Variants in EHBP1 observed in about 807,000 individuals in gnomAD.
EHBP1 encodes the protein EH domain binding protein 1, also known as EH domain-binding protein 1.
A neutral mutation model predicts 144.0 loss-of-function variants in EHBP1; 55 were observed. That is an observed-to-expected ratio of 0.38 (90% CI 0.31 to 0.48). EHBP1 has a LOEUF of 0.48. Ranked by LOEUF, EHBP1 falls within the 20% of genes least tolerant of loss-of-function variation. The pLI is 0.98. For synonymous variants in EHBP1, 469 were observed against 472.7 expected (o/e 0.99, Z 0.10); for missense variants, 1,200 against 1,364.2 (o/e 0.88, Z 1.90).
At chr2:63,002,319 C>G (rs1164911365) in intron 19 of EHBP1, among the ~76,000 whole-genome samples, 2 of 152,050 alleles carry the variant, frequency 1.3e-5, no homozygotes, top group Non-Finnish European at 2.9e-5. Context: ...ATATTAGCAG[C>G]TTACAATTTA....
intron 2 of EHBP1, among the ~76,000 whole-genome samples, chr2:62,737,770 A>T (rs2038292946): frequency 6.6e-6 from 1 of 151,768 alleles, no homozygotes; most frequent in South Asian, 2.1e-4. Flanking sequence ...AAAAAAAAAG[A>T]GTTTTTTTTT....
intron 8 of EHBP1, among the ~76,000 whole-genome samples, chr2:62,863,644 C>T (rs1454798491): frequency 1.3e-5 from 2 of 151,854 alleles, no homozygotes; most frequent in African/African-American, 4.8e-5. Flanking sequence ...TTGTAGCATA[C>T]AGAAACCTCC....
intron 2 of EHBP1, among the ~76,000 whole-genome samples, chr2:62,720,751 G>C (rs2036146827): frequency 6.6e-6 from 1 of 152,102 alleles, no homozygotes; most frequent in Admixed American, 6.5e-5. Context: ...CAATCTTTTG[G>C]TTTCCCTGGG....
At chr2:63,044,954 A>C (rs2061881124) in intron 21 of EHBP1, 112 bp from the exon 22 acceptor site, 1 of 731,818 alleles carries the variant, frequency 1.4e-6, no homozygotes, top group Non-Finnish European at 2.3e-6. Flanking sequence ...GTGGCTCTAT[A>C]ATGTGGTTTG....
At chr2:62,776,345 A>T (rs942046969) in intron 5 of EHBP1, among the ~76,000 whole-genome samples, 1 of 152,196 alleles carries the variant, frequency 6.6e-6, no homozygotes, top group Non-Finnish European at 1.5e-5. Flanking sequence ...CACAGCTTCC[A>T]TGTAGTCATG....
chr2:63,023,955 T>C (rs2060865202), intron 19 of EHBP1, among the ~76,000 whole-genome samples: 1 of 152,232 alleles, frequency 6.6e-6, no homozygotes, highest in Non-Finnish European at 1.5e-5. Flanking sequence ...TTTTTAAAAG[T>C]CATAAATATT....
chr2:62,806,391 G>A (rs2044477902), intron 5 of EHBP1, among the ~76,000 whole-genome samples: 2 of 150,884 alleles, frequency 1.3e-5, no homozygotes, highest in Admixed American at 1.3e-4. Context: ...GTTTTTTTGA[G>A]GCGGAGTCTT....
chr2:63,045,694 A>T lies in EHBP1; in HGVS notation c.*194A>T. 1.9e-6 allele frequency: 1 copy of T among 539,968 alleles called. No homozygotes were observed. The highest frequency in any genetic ancestry group is 3.2e-5 in the East Asian group (1 of 31,684). 33.4% of individuals were successfully genotyped at this position (539,968 alleles called of 1,614,324 possible). On this transcript the variant is annotated 3_prime_UTR_variant, in exon 23 of 23. Transcript: ENST00000431489. The surrounding 1 kb of genome is among the most constrained non-coding windows in gnomAD (Gnocchi z 5.7). ...ATATACAGAACTCCAAAATAGCTTC[A>T]TTTAAGGATTTTTTTGTGAGTTAAC...
At chr2:62,924,737 A>G (rs1184202824) in intron 10 of EHBP1, among the ~76,000 whole-genome samples, 2 of 152,232 alleles carry the variant, frequency 1.3e-5, no homozygotes, top group Admixed American at 6.5e-5. Context: ...AAAGTTCAGG[A>G]CCAGATGGCT....
intron 2 of EHBP1, among the ~76,000 whole-genome samples, chr2:62,743,262 T>C (rs115250167): frequency 0.012 from 1,849 of 152,250 alleles, 45 homozygotes; most frequent in African/African-American, 0.043. Flanking sequence ...ACATTGAAAG[T>C]GTCATTGTAA....
At chr2:62,874,815 A>T (rs2050752285) in intron 10 of EHBP1, among the ~76,000 whole-genome samples, 2 of 152,132 alleles carry the variant, frequency 1.3e-5, no homozygotes, top group Admixed American at 1.3e-4. Context: ...TAAAGAAAGG[A>T]TACTCTATAA....
intron 5 of EHBP1, among the ~76,000 whole-genome samples, chr2:62,786,945 A>G (rs2042847274): frequency 6.6e-6 from 1 of 152,332 alleles, no homozygotes; most frequent in South Asian, 2.1e-4. Context: ...TGAAAGTTTT[A>G]AATAACTGAA....
chr2:62,758,372 G>T (rs1395055464), intron 3 of EHBP1, among the ~76,000 whole-genome samples: 1 of 152,098 alleles, frequency 6.6e-6, no homozygotes, highest in African/African-American at 2.4e-5. Context: ...GCCTCCCAAA[G>T]TGTGGGATTA....
chr2:62,872,861 G>A (rs1277212612), intron 9 of EHBP1, among the ~76,000 whole-genome samples: 1 of 152,062 alleles, frequency 6.6e-6, no homozygotes, highest in African/African-American at 2.4e-5. Context: ...GTTCATTCTT[G>A]AAAAGTAGGG....
Position 62,948,584 on chromosome 2 carries a change from T to A in EHBP1, c.1738T>A (p.Phe580Ile). 1 of 1,614,058 alleles carries A rather than the reference T, an allele frequency of 6.2e-7. No individual in the cohort carries two copies. The highest frequency in any genetic ancestry group is 8.5e-7 in the Non-Finnish European group (1 of 1,179,994). Residue 580 changes from phenylalanine to isoleucine, a missense_variant, in exon 13 of 23, where the codon TTT becomes ATT. Transcript: ENST00000431489. ...VDFLSQDDSVFVNDSGVGESE... is the reference protein window; with the variant it reads ...VDFLSQDDSVIVNDSGVGESE... ...CTTCTTATCACAGGATGACTCTGTA[T>A]TTGTAAATGATAGCGGGGTTGGAGA... is the stretch of plus-strand genomic sequence containing the variant.
At chr2:62,947,908 G>T (rs1471107647) in intron 12 of EHBP1, among the ~76,000 whole-genome samples, 2 of 151,968 alleles carry the variant, frequency 1.3e-5, no homozygotes, top group East Asian at 3.9e-4. Flanking sequence ...ACATGACTGT[G>T]GAAAAGAGAG....
At chr2:62,716,202 G>A (rs1451387739) in intron 2 of EHBP1, among the ~76,000 whole-genome samples, 2 of 142,322 alleles carry the variant, frequency 1.4e-5, no homozygotes, top group East Asian at 2.4e-4. Flanking sequence ...GCCCCAACCC[G>A]GGAACTTCCC....
upstream of EHBP1, among the ~76,000 whole-genome samples, chr2:62,703,974 T>C (rs2034358560): frequency 6.6e-6 from 1 of 152,208 alleles, no homozygotes; most frequent in African/African-American, 2.4e-5. Flanking sequence ...GGATTGTTTC[T>C]GAAGGGTAAC....
intron 13 of EHBP1, among the ~76,000 whole-genome samples, chr2:62,950,959 A>C (rs1224545265): frequency 6.6e-6 from 1 of 152,204 alleles, no homozygotes; most frequent in African/African-American, 2.4e-5. Flanking sequence ...TGCTGAGATT[A>C]CAGGTGTGAG....
Sources: allele counts gnomAD v4.1 joint callset (sites outside exome capture counted in the v4.1 genomes callset), GRCh38; gene constraint gnomAD v4.1.1; non-coding constraint Gnocchi (gnomAD v3.1); transcripts MANE v1.5; gene names NCBI Gene and HGNC (gene_info 2026-07-23, HGNC 2026-07-21).